The following RPS24 variants were observed in gnomAD, a reference collection of about 807,000 sequenced individuals.
RPS24 encodes small ribosomal subunit protein eS24.
For synonymous variants in RPS24, 72 were observed against 55.6 expected (o/e 1.30, Z -1.31); for missense variants, 100 against 162.5 (o/e 0.62, Z 2.09).
chr10:78,041,923 T>C (rs1847990058), downstream of RPS24, among the ~76,000 whole-genome samples: 1 of 152,244 alleles, frequency 6.6e-6, no homozygotes, highest in African/African-American at 2.4e-5. Context: ...TCTGTTCAGC[T>C]GTGCTCAGGG....
intron 4 of RPS24, chr10:78,038,406 G>A (rs1161076733): frequency 1.3e-5 from 2 of 153,736 alleles, no homozygotes; most frequent in African/African-American, 2.4e-5. Flanking sequence ...CATGAAACCA[G>A]CCTGGCAGCA....
At chr10:78,035,879 CG>C in intron 3 of RPS24, 159 bp downstream of exon 3, 1 of 682,974 alleles carries the variant, frequency 1.5e-6, no homozygotes, top group South Asian at 1.7e-5. Context: ...AGGTGGAGTA[CG>C]GGGGTTCAAA....
chr10:78,041,681 C>T (rs1049682293), downstream of RPS24, among the ~76,000 whole-genome samples: 1 of 152,104 alleles, frequency 6.6e-6, no homozygotes, highest in Non-Finnish European at 1.5e-5. Flanking sequence ...CTGTGAGCAG[C>T]TTGCAGAGGC....
At chr10:78,052,891 C>T (rs2131994690) in intron 4 of RPS24, among the ~76,000 whole-genome samples, 1 of 152,246 alleles carries the variant, frequency 6.6e-6, no homozygotes, top group South Asian at 2.1e-4. Flanking sequence ...GTGGCTCATG[C>T]CTATAATCCC....
downstream of RPS24, among the ~76,000 whole-genome samples, chr10:78,041,399 C>G (rs557892342): frequency 9.2e-5 from 14 of 152,230 alleles, no homozygotes; most frequent in Non-Finnish European, 1.8e-4. Flanking sequence ...GGTTGGAGTT[C>G]TGTTTTCATA....
At chr10:78,038,990 A>C (rs768480103) in intron 4 of RPS24, 1 of 152,186 alleles carries the variant, frequency 6.6e-6, no homozygotes, top group African/African-American at 2.4e-5. Flanking sequence ...GTAATGTGAT[A>C]AGTGGGGTAG....
At chr10:78,039,609 C>T (rs1005015138) in intron 4 of RPS24, 4 of 154,056 alleles carry the variant, frequency 2.6e-5, no homozygotes, top group South Asian at 2.0e-4. Context: ...TACTAAGTTA[C>T]TTATACTAAG....
downstream of RPS24, among the ~76,000 whole-genome samples, chr10:78,045,472 G>C (rs1848033994): frequency 6.6e-6 from 1 of 151,962 alleles, no homozygotes; most frequent in Non-Finnish European, 1.5e-5. Context: ...AAACCTGGCA[G>C]GTGGGGGCTT....
chr10:78,048,985 C>T (rs924638617), intron 4 of RPS24: 1 of 152,168 alleles, frequency 6.6e-6, no homozygotes, highest in Non-Finnish European at 1.5e-5. Context: ...CATCAGGCCT[C>T]CTTGGAGCGG....
chr10:78,038,074 T>A, intron 4 of RPS24: 1 of 762,666 alleles, frequency 1.3e-6, no homozygotes, highest in Non-Finnish European at 1.9e-6. Context: ...GACGACAGTT[T>A]TATAGTATGG....
At chr10:78,050,593 A>G (rs1848089432) in intron 4 of RPS24, among the ~76,000 whole-genome samples, 1 of 152,188 alleles carries the variant, frequency 6.6e-6, no homozygotes, top group Non-Finnish European at 1.5e-5. Context: ...GAGTGGTGCA[A>G]CCACCACCAC....
intron 4 of RPS24, chr10:78,037,537 C>T: frequency 3.5e-6 from 2 of 569,220 alleles, no homozygotes; most frequent in South Asian, 2.2e-5. Flanking sequence ...AATCTGGAGG[C>T]CACATTGGTT....
At chr10:78,034,133 TG>T (rs1847804121) in intron 1 of RPS24, 1 of 388,498 alleles carries the variant, frequency 2.6e-6, no homozygotes, top group Non-Finnish European at 4.8e-6. Context: ...GCCTGGGCAG[TG>T]CAGGAGCTGT....
chr10:78,037,578 G>T, intron 4 of RPS24: 1 of 434,448 alleles, frequency 2.3e-6, no homozygotes, highest in Non-Finnish European at 4.1e-6. Flanking sequence ...CACCTTTCAA[G>T]CCTATCACAA....
downstream of RPS24, among the ~76,000 whole-genome samples, chr10:78,043,982 A>AT (rs1311276325): frequency 6.6e-6 from 1 of 152,152 alleles, no homozygotes; most frequent in African/African-American, 2.4e-5. Context: ...CCACATAGGC[A>AT]TTTTATCTCC....
At chr10:78,048,403 C>G (rs184891879) in intron 4 of RPS24, among the ~76,000 whole-genome samples, 7 of 152,188 alleles carry the variant, frequency 4.6e-5, no homozygotes, top group African/African-American at 1.7e-4. Context: ...GATTGGCATC[C>G]TATACTCTCG....
At chr10:78,043,669 T>C (rs1387572050), downstream of RPS24, among the ~76,000 whole-genome samples, 1 of 152,176 alleles carries the variant, frequency 6.6e-6, no homozygotes, top group East Asian at 1.9e-4. Flanking sequence ...TTAATGACGA[T>C]CCCATGATCT....
intron 3 of RPS24, chr10:78,035,996 T>C: frequency 2.3e-6 from 1 of 441,792 alleles, no homozygotes; most frequent in South Asian, 2.1e-5. Context: ...TAAGGGGATG[T>C]GTTTGGAAAG....
intron 4 of RPS24, chr10:78,048,947 G>A (rs185718516): frequency 0.01 from 1,542 of 152,166 alleles, 11 homozygotes; most frequent in Non-Finnish European, 0.017. Flanking sequence ...CTTGGTGGAG[G>A]AAACAAGTTA....
Sources: allele counts gnomAD v4.1 joint callset (sites outside exome capture counted in the v4.1 genomes callset), GRCh38; gene constraint gnomAD v4.1.1; transcripts MANE v1.5; gene names NCBI Gene and HGNC (gene_info 2026-07-23, HGNC 2026-07-21).